GAS7: variants seen among roughly 807,000 people sequenced by gnomAD.
GAS7 encodes growth arrest specific 7.
A neutral mutation model predicts 71.1 loss-of-function variants in GAS7; 28 were observed. The observed-to-expected ratio is 0.39, with a 90% confidence interval of 0.29 to 0.54. The LOEUF (loss-of-function observed/expected upper bound fraction) is 0.54. GAS7 is among the 20% of genes least tolerant of loss of function. The probability of loss-of-function intolerance (pLI) is 0.62; values close to 1 mark genes in which losing one functional copy is unlikely to be tolerated. For synonymous variants in GAS7, 258 were observed against 245.8 expected, an observed-to-expected ratio of 1.05 and a Z score of -0.46; for missense variants, 436 against 627.8, an observed-to-expected ratio of 0.69 and a Z score of 3.27.
rs370864533 is a variant in GAS7 at position 9,925,397 on chromosome 17, G to A, written c.1138+79C>T. On this transcript the variant is annotated intron_variant, in intron 11 of 13. Transcript: ENST00000432992. ...TCTTGCAAAGGAGAGATGCACCCTC[G>A]CCAGTCACCTCATCTCCTAGCCCCG... 267 of 1,451,488 alleles carry A rather than the reference G, an allele frequency of 1.8e-4. 2 individuals carry two copies. The African/African-American group carries it at 3.0e-3, about 16-fold the overall frequency. 89.9% of individuals were successfully genotyped at this position (1,451,488 alleles called of 1,614,324 possible).
At chr17:10,084,129 C>G (rs1413140201) in intron 1 of GAS7, among the ~76,000 whole-genome samples, 1 of 152,088 alleles carries the variant, frequency 6.6e-6, no homozygotes, top group Non-Finnish European at 1.5e-5. Context: ...GATCATGCCA[C>G]TGCACTCCAG....
At chr17:10,147,144 A>AT (rs989540202) in intron 1 of GAS7, among the ~76,000 whole-genome samples, 4 of 151,976 alleles carry the variant, frequency 2.6e-5, no homozygotes, top group East Asian at 1.9e-4. Flanking sequence ...ATGGTTTGCC[A>AT]TTTTTTTTAA....
At chr17:10,138,261 G>A (rs539475272) in intron 1 of GAS7, among the ~76,000 whole-genome samples, 42 of 152,060 alleles carry the variant, frequency 2.8e-4, no homozygotes, top group Non-Finnish European at 4.4e-4. Context: ...CACCACATCC[G>A]GCCAAAGTTC....
chr17:10,100,319 G>C (rs2073686186), intron 1 of GAS7, among the ~76,000 whole-genome samples: 1 of 152,166 alleles, frequency 6.6e-6, no homozygotes, highest in African/African-American at 2.4e-5. Context: ...GATTTCCTCA[G>C]CATCTTTTTC....
chr17:10,195,049 G>T lies in GAS7; in HGVS notation c.183+3159C>A, dbSNP rs1198922155. On this transcript the variant is annotated intron_variant, in intron 1 of 13. Transcript: ENST00000432992. ...ATCCTTTGAAGAGCTGCACCACCCC[G>T]AGTAGGAAGAACCCTTGTGGCCAGA... Among the ~76,000 whole-genome samples the T allele has an allele frequency of 3.9e-5, 6 of 152,050 alleles. No homozygotes were observed. In the South Asian group the frequency reaches 1.2e-3, roughly 32 times the overall value.
At chr17:10,006,885 C>T (rs888373389) in intron 2 of GAS7, among the ~76,000 whole-genome samples, 1 of 152,182 alleles carries the variant, frequency 6.6e-6, no homozygotes, top group African/African-American at 2.4e-5. Context: ...CAGTTTTATA[C>T]TCATTCTAAG....
Position 9,969,701 on chromosome 17 carries a change from G to A in GAS7, c.447C>T (p.Val149=), listed in dbSNP as rs1466449265. 1 of 1,610,976 alleles carries A rather than the reference G, an allele frequency of 6.2e-7. No individual in the cohort carries two copies. Among genetic ancestry groups the A allele is most frequent in the East Asian group, 2.2e-5 (1 of 44,864 alleles). ...CCTGGGAATCACCGGTGGATTTTCG[G>A]ACACTCATGTGGGCAGTCTCTGGAG... ...AHPPETAHMS[V]RKSTGDSQNL... The change falls in exon 4 of 14, where the codon GTC becomes GTT. Residue 149 remains valine (V), a synonymous_variant. Transcript: ENST00000432992. This position sits in a 1 kb window ranked among gnomAD's most constrained non-coding sequence, Gnocchi z 5.5.
chr17:9,980,126 G>A (rs2070358842), intron 3 of GAS7, among the ~76,000 whole-genome samples: 1 of 151,966 alleles, frequency 6.6e-6, no homozygotes, highest in South Asian at 2.1e-4. Context: ...ATTTTTGATA[G>A]AAAACACCCA....
intron 1 of GAS7, among the ~76,000 whole-genome samples, chr17:10,131,275 G>A (rs1354947023): frequency 6.6e-6 from 1 of 152,188 alleles, no homozygotes; most frequent in Non-Finnish European, 1.5e-5. Context: ...ACACAGCGGG[G>A]CCTGATAATT....
intron 8 of GAS7, 114 bp downstream of exon 8, chr17:9,940,012 T>C (rs533247861): frequency 2.6e-6 from 2 of 773,770 alleles, no homozygotes; most frequent in East Asian, 2.4e-5. Flanking sequence ...GCCAGGCCTA[T>C]GGAGAGCTCC....
At chr17:10,047,678 A>G (rs548257163) in intron 1 of GAS7, among the ~76,000 whole-genome samples, 1 of 151,522 alleles carries the variant, frequency 6.6e-6, no homozygotes, top group African/African-American at 2.4e-5. Context: ...TCATAACAGG[A>G]AAAAAAAAGC....
chr17:10,110,076 T>C (rs1388545330), intron 1 of GAS7, among the ~76,000 whole-genome samples: 2 of 141,498 alleles, frequency 1.4e-5, no homozygotes, highest in African/African-American at 5.2e-5. Context: ...AAAAAAAAGA[T>C]ATCAAAGAGA....
At chr17:9,963,822 T>C (rs1206230374) in intron 4 of GAS7, among the ~76,000 whole-genome samples, 6 of 152,174 alleles carry the variant, frequency 3.9e-5, no homozygotes, top group Non-Finnish European at 7.3e-5. Flanking sequence ...AATTAATGTT[T>C]TCTTAAATAT....
chr17:10,180,661 T>G (rs1447066959), intron 1 of GAS7, among the ~76,000 whole-genome samples: 2 of 152,288 alleles, frequency 1.3e-5, no homozygotes, highest in African/African-American at 4.8e-5. Flanking sequence ...GGATGTTCTA[T>G]TTGAGTCACA....
intron 3 of GAS7, among the ~76,000 whole-genome samples, chr17:9,978,265 A>C (rs1457551851): frequency 6.6e-6 from 1 of 151,392 alleles, no homozygotes; most frequent in Non-Finnish European, 1.5e-5. Flanking sequence ...GCCTCGTTTT[A>C]TCTCTCTCCA....
intron 1 of GAS7, among the ~76,000 whole-genome samples, chr17:10,031,967 G>A (rs2072630124): frequency 6.6e-6 from 1 of 152,102 alleles, no homozygotes; most frequent in African/African-American, 2.4e-5. Context: ...TTATGACTGT[G>A]TTTTAGAACC....
intron 2 of GAS7, among the ~76,000 whole-genome samples, chr17:9,992,708 C>T (rs1388242485): frequency 3.4e-4 from 50 of 148,002 alleles, no homozygotes; most frequent in Admixed American, 6.1e-4. Context: ...CACCCACCAA[C>T]TCATCATCTA....
chr17:10,033,376 G>A (rs1229742144), intron 1 of GAS7, among the ~76,000 whole-genome samples: 1 of 152,132 alleles, frequency 6.6e-6, no homozygotes, highest in African/African-American at 2.4e-5. Flanking sequence ...CCTTCCTTTA[G>A]TATTAAGCTG....
At chr17:10,079,681 A>C (rs888352422) in intron 1 of GAS7, among the ~76,000 whole-genome samples, 3 of 152,212 alleles carry the variant, frequency 2.0e-5, no homozygotes, top group African/African-American at 7.2e-5. Context: ...GACTGATCAT[A>C]TCTCCCTAAA....
Sources: allele counts gnomAD v4.1 joint callset (sites outside exome capture counted in the v4.1 genomes callset), GRCh38; gene constraint gnomAD v4.1.1; non-coding constraint Gnocchi (gnomAD v3.1); transcripts MANE v1.5; gene names NCBI Gene and HGNC (gene_info 2026-07-23, HGNC 2026-07-21).